Variants in MAPK8 observed in about 807,000 individuals in gnomAD.
The protein encoded by MAPK8 is JUN N-terminal kinase.
A neutral mutation model predicts 52.9 loss-of-function variants in MAPK8; 13 were observed. The ratio of observed to expected loss-of-function variants is 0.25; its 90% CI spans 0.16 to 0.39. The LOEUF (loss-of-function observed/expected upper bound fraction) is 0.39, where lower values mean the gene tolerates loss of function less well. Ranked by LOEUF, MAPK8 falls within the 10% of genes least tolerant of loss-of-function variation. The pLI is 1.00. For missense variants in MAPK8, 300 were observed against 519.2 expected, an observed-to-expected ratio of 0.58 and a Z score of 4.10; for synonymous variants, 191 against 169.8, an observed-to-expected ratio of 1.12 and a Z score of -0.97.
chr10:48,307,421 C>T (rs1056398249), intron 1 of MAPK8, among the ~76,000 whole-genome samples: 4 of 152,156 alleles, frequency 2.6e-5, no homozygotes, highest in Admixed American at 2.0e-4. Flanking sequence ...GCCCGTGGCT[C>T]GGGTGGGAGG....
chr10:48,307,219 C>A (rs1040941196), intron 1 of MAPK8: 1 of 152,334 alleles, frequency 6.6e-6, no homozygotes, highest in Non-Finnish European at 1.5e-5. Flanking sequence ...CGCGCCCTGG[C>A]TGCCTCCGGG....
chr10:48,420,447 A>G (rs1002982231), intron 6 of MAPK8, 127 bp downstream of exon 6: 1 of 927,988 alleles, frequency 1.1e-6, no homozygotes, highest in Non-Finnish European at 1.5e-6. Flanking sequence ...TGAAATGTGT[A>G]TCAAAAGTTT....
chr10:48,344,583 A>G (rs184817129), intron 1 of MAPK8, among the ~76,000 whole-genome samples: 9 of 152,342 alleles, frequency 5.9e-5, no homozygotes, highest in Admixed American at 5.9e-4. Context: ...CTCATTGTTG[A>G]TATACTGCCT....
chr10:48,326,094 A>G (rs1307019171), intron 1 of MAPK8: 1 of 152,180 alleles, frequency 6.6e-6, no homozygotes, highest in South Asian at 2.1e-4. Flanking sequence ...TACTGGGGAA[A>G]GGTGACCATG....
intron 1 of MAPK8, among the ~76,000 whole-genome samples, chr10:48,367,689 G>A (rs752597053): frequency 7.2e-5 from 11 of 152,126 alleles, no homozygotes; most frequent in Non-Finnish European, 1.3e-4. Context: ...GTAGTTGACA[G>A]AATAAGTTTA....
intron 1 of MAPK8, among the ~76,000 whole-genome samples, chr10:48,358,721 T>C (rs1429010425): frequency 6.6e-6 from 1 of 152,212 alleles, no homozygotes; most frequent in Non-Finnish European, 1.5e-5. Context: ...TCCTATCTTT[T>C]CTTCTAAGTG....
chr10:48,392,624 A>C (rs2041684368), intron 1 of MAPK8, among the ~76,000 whole-genome samples: 1 of 152,000 alleles, frequency 6.6e-6, no homozygotes. Flanking sequence ...ATAATATGCT[A>C]TCTGAGAAAC....
chr10:48,390,741 C>G (rs986111979), intron 1 of MAPK8, among the ~76,000 whole-genome samples: 63 of 152,174 alleles, frequency 4.1e-4, no homozygotes, highest in African/African-American at 1.4e-3. Context: ...AGCCGCCCCC[C>G]TTTACTAATG....
At chr10:48,423,313 G>A (rs1589261402) in intron 6 of MAPK8, among the ~76,000 whole-genome samples, 1 of 152,218 alleles carries the variant, frequency 6.6e-6, no homozygotes, top group Non-Finnish European at 1.5e-5. Flanking sequence ...CTGACTTACT[G>A]TATCTAGCCA....
At chr10:48,320,710 A>G (rs1339185837) in intron 1 of MAPK8, among the ~76,000 whole-genome samples, 1 of 152,060 alleles carries the variant, frequency 6.6e-6, no homozygotes, top group African/African-American at 2.4e-5. Flanking sequence ...TTTGTGTTGT[A>G]TGTTTTCATT....
intron 1 of MAPK8, among the ~76,000 whole-genome samples, chr10:48,347,850 G>T (rs1845935862): frequency 6.6e-6 from 1 of 152,132 alleles, no homozygotes; most frequent in African/African-American, 2.4e-5. Context: ...CAGTGCTGCA[G>T]TAAACATACA....
intron 1 of MAPK8, among the ~76,000 whole-genome samples, chr10:48,317,925 AGC>A (rs1842657038): frequency 6.6e-6 from 1 of 152,114 alleles, no homozygotes; most frequent in African/African-American, 2.4e-5. Flanking sequence ...GATATCAGTC[AGC>A]CTGGTTTTGT....
intron 1 of MAPK8, among the ~76,000 whole-genome samples, chr10:48,362,737 G>GTTT (rs10715224): frequency 2.3e-5 from 2 of 87,732 alleles, no homozygotes; most frequent in Non-Finnish European, 2.2e-5. Context: ...AATTTTATTA[G>GTTT]TTTTTTTTTT....
At chr10:48,416,314 A>G (rs534975628) in intron 5 of MAPK8, among the ~76,000 whole-genome samples, 1 of 152,288 alleles carries the variant, frequency 6.6e-6, no homozygotes, top group South Asian at 2.1e-4. Flanking sequence ...CTTGGAAGTG[A>G]CACACATGAC....
intron 1 of MAPK8, among the ~76,000 whole-genome samples, chr10:48,328,087 G>C (rs2132223095): frequency 6.6e-6 from 1 of 152,184 alleles, no homozygotes; most frequent in South Asian, 2.1e-4. Context: ...TGCGATCTTG[G>C]CTCACTGCAA....
intron 1 of MAPK8, among the ~76,000 whole-genome samples, chr10:48,384,384 ATTTCT>A (rs1408706869): frequency 6.6e-6 from 1 of 152,234 alleles, no homozygotes; most frequent in Non-Finnish European, 1.5e-5. Flanking sequence ...ACAAATGAAG[ATTTCT>A]TTTGTAGATG....
intron 1 of MAPK8, among the ~76,000 whole-genome samples, chr10:48,366,134 C>A (rs1051499150): frequency 6.6e-6 from 1 of 151,724 alleles, no homozygotes; most frequent in Non-Finnish European, 1.5e-5. Flanking sequence ...AATACTTAAC[C>A]TGCTATAACT....
Position 48,438,229 on chromosome 10 carries a change from T to C in MAPK8, c.*3200T>C, listed in dbSNP as rs2045014002. The C allele has an allele frequency of 6.6e-6, 1 of 152,244 alleles. No homozygotes were observed. The allele number at this position is 152,244 out of a possible 1,614,324, so 9.4% of individuals were successfully genotyped here. A position where few individuals can be genotyped will look rare whatever the true frequency, so the allele number is the denominator to read the frequency against. On this transcript the variant is annotated 3_prime_UTR_variant, in exon 12 of 12. Coordinates refer to ENST00000374189, the MANE Select transcript of MAPK8 (RefSeq NM_001323329.2). Reference sequence around the variant, plus strand: ...CCAGTAGGTAAACCAAACACCATTCTGTCATTAGCAGCCCTCTTAAATGTT... The same window carrying C: ...CCAGTAGGTAAACCAAACACCATTCCGTCATTAGCAGCCCTCTTAAATGTT...
chr10:48,405,861 T>C (rs558413632), intron 3 of MAPK8, among the ~76,000 whole-genome samples: 8 of 149,164 alleles, frequency 5.4e-5, no homozygotes, highest in Admixed American at 4.8e-4. Flanking sequence ...CAGGCCTCTG[T>C]GTATTGGAGT....
Sources: gnomAD v4.1 joint callset for allele counts (sites outside exome capture counted in the v4.1 genomes callset) on GRCh38, gnomAD v4.1.1 for gene constraint, MANE v1.5 for transcripts, NCBI Gene and HGNC (gene_info 2026-07-23, HGNC 2026-07-21) for gene names.